The following ADD2 variants were observed in gnomAD, a reference collection of about 807,000 sequenced individuals.
ADD2 encodes adducin 2.
ADD2 carries 23 observed loss-of-function variants against 83.0 expected under a neutral mutation model. The observed-to-expected ratio is 0.28, with a 90% confidence interval of 0.20 to 0.39. The LOEUF (loss-of-function observed/expected upper bound fraction) is 0.39. ADD2 is among the 10% of genes least tolerant of loss of function. The probability of loss-of-function intolerance (pLI) is 1.00; values close to 1 mark genes in which losing one functional copy is unlikely to be tolerated. For synonymous variants in ADD2, 375 were observed against 375.4 expected (o/e 1.00, Z 0.01); for missense variants, 758 against 944.9 (o/e 0.80, Z 2.59).
At chr2:70,692,017 C>T (rs1438099635) in intron 7 of ADD2, among the ~76,000 whole-genome samples, 1 of 152,216 alleles carries the variant, frequency 6.6e-6, no homozygotes, top group Non-Finnish European at 1.5e-5. Context: ...TCTCAGCCTA[C>T]CCTGAGCTAT....
rs782407381 is a variant in ADD2 at position 70,704,476 on chromosome 2, G to A, written c.184-17C>T. ...CCTGAAAGACTGAAGCAGGCCCCGA[G>A]GTGCTTGTCCCCCCACAGCCTCTCA... is the stretch of plus-strand genomic sequence containing the variant. On this transcript the variant is annotated splice_polypyrimidine_tract_variant and intron_variant, in intron 3 of 15. Coordinates refer to ENST00000264436, the MANE Select transcript of ADD2 (RefSeq NM_001617.4). The A allele has an allele frequency of 6.2e-7, 1 of 1,613,360 alleles. No homozygotes were observed. The highest frequency in any genetic ancestry group is 8.5e-7 in the Non-Finnish European group (1 of 1,179,738).
intron 4 of ADD2, among the ~76,000 whole-genome samples, chr2:70,701,015 T>C (rs1446277790): frequency 1.3e-5 from 2 of 151,980 alleles, no homozygotes; most frequent in African/African-American, 2.4e-5. Flanking sequence ...ATTTAAACTA[T>C]ATCAGGGTAA....
At chr2:70,764,046 C>A (rs1274828892) in intron 1 of ADD2, among the ~76,000 whole-genome samples, 10 of 151,586 alleles carry the variant, frequency 6.6e-5, no homozygotes, top group Admixed American at 2.0e-4. Context: ...CACCACCATG[C>A]TCAGCTAATT....
At chr2:70,737,131 T>C (rs1169872975) in intron 1 of ADD2, among the ~76,000 whole-genome samples, 7 of 152,188 alleles carry the variant, frequency 4.6e-5, no homozygotes, top group Non-Finnish European at 8.8e-5. Context: ...TTGGTGGGAC[T>C]GTAAACTAGT....
At chr2:70,678,998 G>C in intron 10 of ADD2, 37 bp from the exon 11 acceptor site, 2 of 1,555,782 alleles carry the variant, frequency 1.3e-6, no homozygotes, top group South Asian at 2.5e-5. Flanking sequence ...TATGGGGTGA[G>C]AAAAAAGGCC....
intron 1 of ADD2, among the ~76,000 whole-genome samples, chr2:70,744,778 G>A (rs1553381684): frequency 2.0e-5 from 3 of 152,186 alleles, no homozygotes; most frequent in South Asian, 4.2e-4. Flanking sequence ...ACTAGTGGGC[G>A]TGTGGGGGTC....
chr2:70,764,267 G>T (rs529736774), intron 1 of ADD2, among the ~76,000 whole-genome samples: 4 of 151,884 alleles, frequency 2.6e-5, no homozygotes, highest in African/African-American at 9.7e-5. Flanking sequence ...TTCAAATATT[G>T]TTAAAATCCA....
chr2:70,728,419 A>T (rs1417645491), intron 1 of ADD2, among the ~76,000 whole-genome samples: 2 of 152,122 alleles, frequency 1.3e-5, no homozygotes, highest in African/African-American at 4.8e-5. Context: ...AAATTTCACA[A>T]CAGCTGAGAT....
intron 4 of ADD2, among the ~76,000 whole-genome samples, chr2:70,703,160 GA>G (rs5832026): frequency 0.24 from 35,275 of 144,590 alleles, 4,261 homozygotes; most frequent in East Asian, 0.44. Context: ...AAGAAGAAAA[GA>G]AAAGAAAGAA....
At chr2:70,677,336 G>C (rs1439663695) in intron 12 of ADD2, among the ~76,000 whole-genome samples, 1 of 152,136 alleles carries the variant, frequency 6.6e-6, no homozygotes, top group Non-Finnish European at 1.5e-5. Flanking sequence ...ACACTATCCT[G>C]TGAGCGATCT....
chr2:70,753,592 G>A (rs1038239322), intron 1 of ADD2, among the ~76,000 whole-genome samples: 1 of 152,060 alleles, frequency 6.6e-6, no homozygotes. Context: ...TGTGTGTCAG[G>A]GGTTGGGGGG....
At chr2:70,736,806 C>T (rs1174449324) in intron 1 of ADD2, among the ~76,000 whole-genome samples, 3 of 149,932 alleles carry the variant, frequency 2.0e-5, no homozygotes, top group Non-Finnish European at 4.4e-5. Context: ...AATGAATGCT[C>T]GAATAATATG....
intron 1 of ADD2, among the ~76,000 whole-genome samples, chr2:70,741,784 A>C (rs79616869): frequency 0.018 from 2,767 of 152,288 alleles, 79 homozygotes; most frequent in African/African-American, 0.064. Context: ...AGCAAGAGAT[A>C]AATTTCTGTT....
chr2:70,687,393 C>T (rs535335884), intron 9 of ADD2: 1 of 153,392 alleles, frequency 6.5e-6, no homozygotes, highest in East Asian at 1.9e-4. Flanking sequence ...TCCAACTCCT[C>T]TAGGGGGTTC....
Position 70,692,512 on chromosome 2 carries a change from C to T in ADD2, c.596G>A (p.Ser199Asn). ...TGTGGTGTCCACTGGGAAGCAGCTG[C>T]TGCCCTTCTCCACCACCTCTCCCAG... ...NILGEVVEKG[S>N]SCFPVDTTGF... The change falls in exon 7 of 16, where the codon AGC (serine) becomes AAC (asparagine). Residue 199 changes from serine (S) to asparagine (N), a missense_variant. Ser to Asn is a conservative substitution (Grantham distance 46). This residue lies in a region of ADD2 where 394 missense variants were observed against 509.3 expected (regional missense o/e 0.77). Coordinates refer to ENST00000264436, the MANE Select transcript of ADD2 (RefSeq NM_001617.4). 3 of 1,612,366 alleles carry T rather than the reference C, an allele frequency of 1.9e-6. No homozygotes were observed. The highest frequency in any genetic ancestry group is 2.5e-6 in the Non-Finnish European group (3 of 1,179,440).
At position 70,677,787 on chromosome 2, in the gene ADD2, G is replaced by A; in HGVS notation, c.1474C>T (p.Pro492Ser). ...PNQFVPLYTD[P>S]QEVLEMRNKI... ...TTCCTCATCTCCAGTACTTCCTGGG[G>A]GTCAGTATAGAGAGGCACAAATTGG... Residue 492 changes from proline (P) to serine (S), a missense_variant, in exon 12 of 16, where the codon CCC becomes TCC. Pro to Ser is a moderately conservative substitution (Grantham distance 74). This residue lies in a region of ADD2 where 394 missense variants were observed against 509.3 expected (regional missense o/e 0.77). Coordinates refer to ENST00000264436, the MANE Select transcript of ADD2 (RefSeq NM_001617.4). The A allele has an allele frequency of 6.2e-7, 1 of 1,614,206 alleles. No homozygotes were observed. Among genetic ancestry groups the A allele is most frequent in the Non-Finnish European group, 8.5e-7 (1 of 1,180,042 alleles).
At chr2:70,728,572 A>G (rs1293481706) in intron 1 of ADD2, among the ~76,000 whole-genome samples, 1 of 152,228 alleles carries the variant, frequency 6.6e-6, no homozygotes, top group Admixed American at 6.5e-5. Flanking sequence ...ACTCTCTGAA[A>G]AAGGTGCTGT....
chr2:70,682,004 G>A (rs7608934), intron 10 of ADD2, among the ~76,000 whole-genome samples: 4,080 of 152,130 alleles, frequency 0.027, 173 homozygotes, highest in African/African-American at 0.09. Context: ...ACAGGTATGA[G>A]CCACCATACT....
rs1553374523 is a variant in ADD2 at position 70,706,434 on chromosome 2, C to T, written c.-26G>A. ...TTTCCCGGTGGGTTTGCAATTCGCTCCTGGAACTCTACAGAGAAGGGGAGA... is the reference window on the plus strand; with the variant it reads ...TTTCCCGGTGGGTTTGCAATTCGCTTCTGGAACTCTACAGAGAAGGGGAGA... On this transcript the variant is annotated 5_prime_UTR_variant, in exon 3 of 16. Coordinates refer to ENST00000264436, the MANE Select transcript of ADD2 (RefSeq NM_001617.4). The surrounding 1 kb of genome is among the most constrained non-coding windows in gnomAD (Gnocchi z 5.0). 1 of 1,591,492 alleles carries T rather than the reference C, an allele frequency of 6.3e-7. No homozygotes were observed. The highest frequency in any genetic ancestry group is 8.5e-7 in the Non-Finnish European group (1 of 1,170,990).
Sources: allele counts gnomAD v4.1 joint callset (sites outside exome capture counted in the v4.1 genomes callset), GRCh38; gene constraint gnomAD v4.1.1; regional missense constraint gnomAD v4.1.1; non-coding constraint Gnocchi (gnomAD v3.1); transcripts MANE v1.5; gene names NCBI Gene and HGNC (gene_info 2026-07-23, HGNC 2026-07-21).